Variants in ZNF362 observed in about 807,000 individuals in gnomAD.
ZNF362 encodes zinc finger protein 362.
In ZNF362, 11 loss-of-function variants were observed where a neutral mutation model predicts 42.9. The ratio of observed to expected loss-of-function variants is 0.26; its 90% CI spans 0.16 to 0.42. The LOEUF (loss-of-function observed/expected upper bound fraction) is 0.42, where lower values mean the gene tolerates loss of function less well. Ranked by LOEUF, ZNF362 falls within the 20% of genes least tolerant of loss-of-function variation. The pLI is 1.00. For missense variants in ZNF362, 362 were observed against 576.2 expected (o/e 0.63, Z 3.81); for synonymous variants, 255 against 257.3 (o/e 0.99, Z 0.09).
At chr1:33,238,336 A>C in the ZNF362 span, among the ~76,000 whole-genome samples, 1,373 of 93,796 alleles carry the variant, frequency 0.015, 26 homozygotes, top group African/African-American at 0.045. Flanking sequence ...CATAAAATAA[A>C]ATAAAATAAA....
chr1:33,256,172 T>TGGCGGCGGC (rs535478080), upstream of ZNF362, among the ~76,000 whole-genome samples: 17 of 145,594 alleles, frequency 1.2e-4, no homozygotes, highest in East Asian at 2.1e-4. Flanking sequence ...TGCCAGGCGG[T>TGGCGGCGGC]GGCGGCGGCG....
At chr1:33,263,599 T>C (rs1645844408) in intron 1 of ZNF362, among the ~76,000 whole-genome samples, 1 of 152,008 alleles carries the variant, frequency 6.6e-6, no homozygotes, top group Admixed American at 6.6e-5. Context: ...TTAGTAGAGA[T>C]GGGGTTTTGC....
intron 6 of ZNF362, among the ~76,000 whole-genome samples, chr1:33,288,458 G>A (rs1258217085): frequency 1.3e-5 from 2 of 152,114 alleles, no homozygotes; most frequent in African/African-American, 2.4e-5. Flanking sequence ...ACCACCAGCC[G>A]GGTGCGGTGG....
At chr1:33,218,395 T>C in the ZNF362 span, among the ~76,000 whole-genome samples, 1 of 152,130 alleles carries the variant, frequency 6.6e-6, no homozygotes, top group Admixed American at 6.6e-5. Flanking sequence ...GCCCTGTGAT[T>C]ACACACACCA....
chr1:33,164,726 C>T, the ZNF362 span: 8 of 152,268 alleles, frequency 5.3e-5, no homozygotes, highest in Non-Finnish European at 1.2e-4. Flanking sequence ...TGGAGGGCTT[C>T]GAGGGGACAT....
intron 6 of ZNF362, among the ~76,000 whole-genome samples, chr1:33,290,623 T>C (rs9793648): frequency 0.95 from 141,393 of 148,602 alleles, 67,340 homozygotes; most frequent in East Asian, 1. Context: ...GTTCTAGATC[T>C]CTGAGGAATC....
chr1:33,137,201 A>G, the ZNF362 span, among the ~76,000 whole-genome samples: 9 of 152,188 alleles, frequency 5.9e-5, no homozygotes, highest in East Asian at 1.7e-3. Flanking sequence ...ACAGGGTAGT[A>G]TGGGGACTGG....
the ZNF362 span, among the ~76,000 whole-genome samples, chr1:33,229,818 A>G: frequency 6.6e-6 from 1 of 151,972 alleles, no homozygotes; most frequent in African/African-American, 2.4e-5. Context: ...TTGTCTAGTA[A>G]CCCGCGTCCC....
At chr1:33,259,859 A>G (rs998646388) in intron 1 of ZNF362, among the ~76,000 whole-genome samples, 1 of 152,244 alleles carries the variant, frequency 6.6e-6, no homozygotes, top group Non-Finnish European at 1.5e-5. Context: ...ACAGTGGTAG[A>G]CCTGGGTCCT....
chr1:33,247,118 C>T, the ZNF362 span, among the ~76,000 whole-genome samples: 1 of 152,190 alleles, frequency 6.6e-6, no homozygotes, highest in African/African-American at 2.4e-5. Flanking sequence ...GGCTGTTCAA[C>T]CCTTTCTAGA....
the ZNF362 span, chr1:33,180,955 ACCCC>A: frequency 1.8e-5 from 7 of 386,036 alleles, no homozygotes; most frequent in South Asian, 5.4e-5. Flanking sequence ...TCCAGCCCTG[ACCCC>A]ACCCCCCGCC....
intron 2 of ZNF362, chr1:33,275,095 A>G (rs992545024): frequency 1.8e-4 from 177 of 985,320 alleles, no homozygotes; most frequent in Non-Finnish European, 2.1e-4. Flanking sequence ...AAGCAATAAT[A>G]CCAGTTAGGC....
the ZNF362 span, among the ~76,000 whole-genome samples, chr1:33,246,809 A>G: frequency 1.3e-5 from 2 of 152,172 alleles, no homozygotes; most frequent in African/African-American, 2.4e-5. Flanking sequence ...TGAAGTTGCT[A>G]TAGGCCATTA....
At chr1:33,261,427 G>T (rs1392355863) in intron 1 of ZNF362, 1 of 152,158 alleles carries the variant, frequency 6.6e-6, no homozygotes, top group Non-Finnish European at 1.5e-5. Flanking sequence ...TGGATTCCTG[G>T]TTTCAGTGGC....
At chr1:33,286,780 C>G (rs1212149790) in intron 6 of ZNF362, among the ~76,000 whole-genome samples, 1 of 152,168 alleles carries the variant, frequency 6.6e-6, no homozygotes, top group Admixed American at 6.5e-5. Flanking sequence ...GACGGAGGCC[C>G]TTTCCTACTT....
At chr1:33,187,114 T>C in the ZNF362 span, among the ~76,000 whole-genome samples, 12 of 152,140 alleles carry the variant, frequency 7.9e-5, no homozygotes, top group South Asian at 2.1e-4. Context: ...CTCAGAAGCA[T>C]CCCACCCAAA....
At chr1:33,270,686 C>G in intron 2 of ZNF362, 74 bp downstream of exon 2, 3 of 1,578,408 alleles carry the variant, frequency 1.9e-6, no homozygotes, top group South Asian at 2.4e-5. Flanking sequence ...GCATTGTGTT[C>G]GTCCCACCTT....
At chr1:33,136,117 T>G in the ZNF362 span, among the ~76,000 whole-genome samples, 4 of 31,176 alleles carry the variant, frequency 1.3e-4, no homozygotes, top group South Asian at 2.1e-3. Context: ...GGCCAGCCCT[T>G]CCTTCCTTCC....
At chr1:33,135,541 C>T in the ZNF362 span, among the ~76,000 whole-genome samples, 1 of 152,186 alleles carries the variant, frequency 6.6e-6, no homozygotes, top group African/African-American at 2.4e-5. Context: ...CTGTTGCCCT[C>T]AGGATGGCCC....
Sources: gnomAD v4.1 joint callset for allele counts (sites outside exome capture counted in the v4.1 genomes callset) on GRCh38, gnomAD v4.1.1 for gene constraint, MANE v1.5 for transcripts, NCBI Gene and HGNC (gene_info 2026-07-23, HGNC 2026-07-21) for gene names.